TRIP12: variants seen among roughly 807,000 people sequenced by gnomAD.
The protein encoded by TRIP12 is E3 ubiquitin-protein ligase TRIP12.
A neutral mutation model predicts 244.2 loss-of-function variants in TRIP12; 25 were observed. The ratio of observed to expected loss-of-function variants is 0.10; its 90% CI spans 0.07 to 0.14. The LOEUF is 0.14. Among genes scored for constraint, TRIP12 ranks in the 10% least tolerant of loss-of-function variants. The probability of loss-of-function intolerance (pLI) is 1.00; values close to 1 mark genes in which losing one functional copy is unlikely to be tolerated. For missense variants in TRIP12, 1,677 were observed against 2,486.4 expected (o/e 0.67, Z 6.92); for synonymous variants, 905 against 873.1 (o/e 1.04, Z -0.64).
At chr2:229,815,544 G>A (rs1029744005) in intron 9 of TRIP12, among the ~76,000 whole-genome samples, 15 of 152,058 alleles carry the variant, frequency 9.9e-5, no homozygotes, top group Non-Finnish European at 1.6e-4. Flanking sequence ...CCATCACCTC[G>A]TGATACAGGT....
At chr2:229,772,357 T>G (rs947048920) in intron 38 of TRIP12, among the ~76,000 whole-genome samples, 2 of 152,202 alleles carry the variant, frequency 1.3e-5, no homozygotes, top group African/African-American at 4.8e-5. Context: ...GATGGAAGAA[T>G]AGCTTTCACA....
chr2:229,884,265 C>T lies in TRIP12; in HGVS notation c.-49-4137G>A, dbSNP rs1245526693. Among the ~76,000 whole-genome samples the T allele has an allele frequency of 2.8e-5, 4 of 143,034 alleles. No individual in the cohort carries two copies. The East Asian group carries it at 8.1e-4, about 29-fold the overall frequency. 93.8% of individuals were successfully genotyped at this position (143,034 alleles called of 152,430 possible). A position where few individuals can be genotyped will look rare whatever the true frequency, so the allele number is the denominator to read the frequency against. On this transcript the variant is annotated intron_variant, in intron 1 of 41. Coordinates refer to ENST00000675903, the MANE Select transcript of TRIP12 (RefSeq NM_001348323.3). ...TTTTTTTTTTTTTTTGAGACAGAGC[C>T]TTGCTCTGTTGCCCTGGCTGGAGTG...
In TRIP12 at chr2:229,896,542, G is replaced by T. The variant is rs546637404; in HGVS notation, c.-49-16414C>A. On this transcript the variant is annotated intron_variant, in intron 1 of 41. Transcript: ENST00000675903. ...CAGGAGAATCGCTTGAACCTGGGAG[G>T]TGAAGGTTGCAGTGAGCTGAGATGG... 7.9e-5 allele frequency among the ~76,000 whole-genome samples: 12 copies of T among 152,234 alleles called. 1 individual carries two copies. The South Asian group carries it at 2.1e-3, about 26-fold the overall frequency.
At chr2:229,809,684 GGGAAAGAGCACTT>G (rs2046787798) in intron 15 of TRIP12, among the ~76,000 whole-genome samples, 1 of 152,126 alleles carries the variant, frequency 6.6e-6, no homozygotes, top group Admixed American at 6.5e-5. Context: ...ATCTTATTTA[GGGAAAGAGCACTT>G]TCTTCAGGAC....
At chr2:229,900,247 A>C (rs2070292930) in intron 1 of TRIP12, among the ~76,000 whole-genome samples, 1 of 152,246 alleles carries the variant, frequency 6.6e-6, no homozygotes, top group Non-Finnish European at 1.5e-5. Context: ...CGCAAAAAGT[A>C]GAGTCATCAC....
intron 27 of TRIP12, among the ~76,000 whole-genome samples, chr2:229,792,666 C>A (rs750548121): frequency 2.6e-5 from 4 of 152,116 alleles, no homozygotes; most frequent in Non-Finnish European, 4.4e-5. Context: ...TAGGGATGTT[C>A]AACCTGTATA....
intron 1 of TRIP12, among the ~76,000 whole-genome samples, chr2:229,901,609 T>G (rs1434597101): frequency 2.6e-5 from 2 of 78,330 alleles, no homozygotes; most frequent in South Asian, 5.7e-4. Flanking sequence ...GGTGACAGAA[T>G]GAGACTGTCT....
At chr2:229,885,044 A>G (rs2065730278) in intron 1 of TRIP12, among the ~76,000 whole-genome samples, 1 of 152,234 alleles carries the variant, frequency 6.6e-6, no homozygotes, top group Non-Finnish European at 1.5e-5. Context: ...CAGAAATACA[A>G]CAGTGGTGCC....
chr2:229,895,844 C>T lies in TRIP12; in HGVS notation c.-49-15716G>A, dbSNP rs554579380. 2.0e-5 allele frequency among the ~76,000 whole-genome samples: 3 copies of T among 152,200 alleles called. No homozygotes were observed. In the East Asian group the frequency reaches 5.8e-4, roughly 29 times the overall value. The stretch of plus-strand genomic sequence containing the variant: ...TAAATAAAAGACATCTAAACCCAGA[C>T]ATGTCATAATTCAAAAACAAAATAA... On this transcript the variant is annotated intron_variant, in intron 1 of 41. Coordinates refer to ENST00000675903, the MANE Select transcript of TRIP12 (RefSeq NM_001348323.3).
At chr2:229,873,945 T>C (rs916930748) in intron 2 of TRIP12, among the ~76,000 whole-genome samples, 16 of 151,582 alleles carry the variant, frequency 1.1e-4, no homozygotes, top group African/African-American at 3.9e-4. Context: ...ATAACAAAGC[T>C]GAGGAAAAAT....
chr2:229,896,363 C>T (rs973341686), intron 1 of TRIP12, among the ~76,000 whole-genome samples: 6 of 152,078 alleles, frequency 3.9e-5, no homozygotes, highest in South Asian at 2.1e-4. Context: ...CTCAGCCAGG[C>T]GTGGTGGCTC....
At chr2:229,877,635 T>C (rs556838753) in intron 2 of TRIP12, among the ~76,000 whole-genome samples, 1 of 152,342 alleles carries the variant, frequency 6.6e-6, no homozygotes, top group South Asian at 2.1e-4. Context: ...GCGCTGTTGA[T>C]AGCCCACAAT....
chr2:229,798,323 A>G (rs2043327508), intron 23 of TRIP12, among the ~76,000 whole-genome samples: 1 of 152,196 alleles, frequency 6.6e-6, no homozygotes, highest in Non-Finnish European at 1.5e-5. Flanking sequence ...TGAAATTAAG[A>G]AAAACAACCA....
At chr2:229,866,632 A>G (rs532149774) in intron 2 of TRIP12, among the ~76,000 whole-genome samples, 56 of 152,274 alleles carry the variant, frequency 3.7e-4, no homozygotes, top group Non-Finnish European at 2.4e-4. Context: ...TAAGCTACTC[A>G]TTTCAAAAGA....
In TRIP12 at chr2:229,836,910, C is replaced by T. The variant is rs747157085; in HGVS notation, c.1208G>A (p.Ser403Asn). ...RRQEKMADPE[S>N]NQEAVNSSAA... ...TGAAGAATTTACTGCCTCCTGGTTG[C>T]TTTCAGGGTCTGCCATTTTCTCCTG... The change falls in exon 6 of 42, where the codon AGC (serine) becomes AAC (asparagine). Residue 403 changes from serine to asparagine, a missense_variant. Ser to Asn is a conservative substitution (Grantham distance 46). Coordinates refer to ENST00000675903, the MANE Select transcript of TRIP12 (RefSeq NM_001348323.3). 5.0e-6 allele frequency: 8 copies of T among 1,604,766 alleles called. No homozygotes were observed. The highest frequency in any genetic ancestry group is 6.8e-6 in the Non-Finnish European group (8 of 1,177,090).
intron 1 of TRIP12, among the ~76,000 whole-genome samples, chr2:229,882,165 T>C (rs1416245777): frequency 1.3e-5 from 2 of 152,150 alleles, no homozygotes; most frequent in Admixed American, 1.3e-4. Context: ...AAATGATAAA[T>C]CCATGTAAAC....
chr2:229,812,114 A>T (rs1172359344), intron 13 of TRIP12, among the ~76,000 whole-genome samples: 3 of 152,122 alleles, frequency 2.0e-5, no homozygotes, highest in African/African-American at 7.2e-5. Flanking sequence ...TTTGAGACAG[A>T]GTTTCGCTCT....
At chr2:229,863,703 G>T (rs1254871245) in intron 2 of TRIP12, among the ~76,000 whole-genome samples, 1 of 152,136 alleles carries the variant, frequency 6.6e-6, no homozygotes, top group Admixed American at 6.5e-5. Flanking sequence ...ATGCTGCAAA[G>T]TAAATCTCCA....
At position 229,829,315 on chromosome 2, in the gene TRIP12, A is replaced by G. The variant is rs770235322; in HGVS notation, c.1355-27T>C. 5 of 1,588,410 alleles carry G rather than the reference A, an allele frequency of 3.1e-6. No individual in the cohort carries two copies. In the East Asian group the frequency reaches 1.1e-4, roughly 36 times the overall value. On this transcript the variant is annotated intron_variant, in intron 7 of 41. Transcript: ENST00000675903. ...TAAAGAAAAAAGAAGGGCAGAGTGA[A>G]CAACTAAGATGACTTCATGCAACTG...
Sources: gnomAD v4.1 joint callset for allele counts (sites outside exome capture counted in the v4.1 genomes callset) on GRCh38, gnomAD v4.1.1 for gene constraint, MANE v1.5 for transcripts, NCBI Gene and HGNC (gene_info 2026-07-23, HGNC 2026-07-21) for gene names.